Variants in FHIT observed in about 807,000 individuals in gnomAD.
The protein encoded by FHIT is bis(5'-adenosyl)-triphosphatase.
Under a neutral mutation model 17.9 loss-of-function variants are expected in FHIT, and 19 were observed. The ratio of observed to expected loss-of-function variants is 1.06; its 90% CI spans 0.74 to 1.56. The LOEUF (loss-of-function observed/expected upper bound fraction) is 1.56, where lower values mean the gene tolerates loss of function less well. FHIT is among the 40% of genes most tolerant of loss of function. FHIT has a pLI of 0.00. For synonymous variants in FHIT, 81 were observed against 69.7 expected (o/e 1.16, Z -0.81); for missense variants, 248 against 189.2 (o/e 1.31, Z -1.82).
At chr3:61,179,629 G>A (rs1016190879) in intron 2 of FHIT, among the ~76,000 whole-genome samples, 2 of 142,778 alleles carry the variant, frequency 1.4e-5, no homozygotes, top group African/African-American at 5.2e-5. Context: ...GATCACCTGA[G>A]CCCAGGAAGT....
rs142053409 is a variant in FHIT at position 60,311,206 on chromosome 3, T to A, written c.103+225654A>T. 5.5e-3 allele frequency among the ~76,000 whole-genome samples: 842 copies of A among 152,168 alleles called. 10 individuals carry two copies. Among genetic ancestry groups the A allele is most frequent in the African/African-American group, 0.019 (795 of 41,502 alleles). ...AACATTACTTTGTCTTTCTGTTTTCTTTTTTAACAGTACACCTCCATGCCC... is the reference window on the plus strand; with the variant it reads ...AACATTACTTTGTCTTTCTGTTTTCATTTTTAACAGTACACCTCCATGCCC... On this transcript the variant is annotated intron_variant, in intron 5 of 9. Transcript: ENST00000492590.
intron 8 of FHIT, among the ~76,000 whole-genome samples, chr3:59,791,900 C>G (rs1423660091): frequency 1.3e-5 from 2 of 152,096 alleles, no homozygotes; most frequent in East Asian, 3.9e-4. Flanking sequence ...TGGCCTTCAG[C>G]CAGTCAAGGA....
At chr3:60,298,017 T>C (rs929877176) in intron 5 of FHIT, among the ~76,000 whole-genome samples, 2 of 152,064 alleles carry the variant, frequency 1.3e-5, no homozygotes, top group Non-Finnish European at 2.9e-5. Flanking sequence ...GCTTTACTTA[T>C]GCAGATATAC....
At chr3:59,816,657 T>C (rs1290235218) in intron 8 of FHIT, among the ~76,000 whole-genome samples, 1 of 152,180 alleles carries the variant, frequency 6.6e-6, no homozygotes, top group Non-Finnish European at 1.5e-5. Context: ...AATCAAGTCC[T>C]ATCCTACCAG....
chr3:60,865,175 A>T (rs1205785736), intron 3 of FHIT, among the ~76,000 whole-genome samples: 1 of 152,132 alleles, frequency 6.6e-6, no homozygotes, highest in Admixed American at 6.6e-5. Context: ...AAAACTAAAA[A>T]ATTCTCCCAT....
chr3:61,109,372 C>A (rs940092539), intron 2 of FHIT, among the ~76,000 whole-genome samples: 4 of 152,138 alleles, frequency 2.6e-5, no homozygotes, highest in African/African-American at 9.7e-5. Context: ...GAGCCCCTGG[C>A]CTGTCCAATG....
chr3:60,614,071 C>A (rs149474916), intron 4 of FHIT, among the ~76,000 whole-genome samples: 4 of 152,058 alleles, frequency 2.6e-5, no homozygotes, highest in East Asian at 3.9e-4. Flanking sequence ...ACAAGGCAAG[C>A]AAAGTGGCAG....
At chr3:59,874,412 C>T (rs1703059632) in intron 8 of FHIT, among the ~76,000 whole-genome samples, 1 of 152,212 alleles carries the variant, frequency 6.6e-6, no homozygotes, top group Admixed American at 6.5e-5. Flanking sequence ...CCCTGGAGTG[C>T]TTGCTGAATT....
intron 2 of FHIT, among the ~76,000 whole-genome samples, chr3:61,053,527 G>A (rs906024092): frequency 2.0e-5 from 3 of 151,960 alleles, no homozygotes; most frequent in Non-Finnish European, 2.9e-5. Context: ...GTGTGGTGGC[G>A]CATGGCTGTA....
intron 1 of FHIT, among the ~76,000 whole-genome samples, chr3:61,249,965 C>G (rs1420748056): frequency 6.6e-6 from 1 of 150,794 alleles, no homozygotes; most frequent in Non-Finnish European, 1.5e-5. Context: ...CACACACACA[C>G]ACACACACAC....
In FHIT at chr3:61,083,793, A is replaced by G. The variant is rs140247698; in HGVS notation, c.-163-41694T>C. ...TTGTGACTGGCTTCTTTCACTTTGC[A>G]TGATGTTTTCAAGGTTCATCCATGT... On this transcript the variant is annotated intron_variant, in intron 2 of 9. Coordinates refer to ENST00000492590, the MANE Select transcript of FHIT (RefSeq NM_002012.4). 2.0e-5 allele frequency among the ~76,000 whole-genome samples: 3 copies of G among 152,158 alleles called. No individual in the cohort carries two copies. In the East Asian group the frequency reaches 5.8e-4, roughly 29 times the overall value.
intron 3 of FHIT, among the ~76,000 whole-genome samples, chr3:60,976,580 T>C (rs1197954731): frequency 2.6e-5 from 4 of 152,206 alleles, no homozygotes; most frequent in Non-Finnish European, 5.9e-5. Context: ...CATTATCTGT[T>C]TTGTTTTACC....
At chr3:60,546,105 T>C (rs181684092) in intron 4 of FHIT, among the ~76,000 whole-genome samples, 1 of 152,320 alleles carries the variant, frequency 6.6e-6, no homozygotes, top group African/African-American at 2.4e-5. Flanking sequence ...CTTGAATTTT[T>C]TTTTAATAAA....
chr3:60,053,038 G>A (rs1292190965), intron 5 of FHIT, among the ~76,000 whole-genome samples: 1 of 151,716 alleles, frequency 6.6e-6, no homozygotes. Context: ...TGTTCCCCAT[G>A]CTTCAGGCAT....
chr3:60,622,020 T>G (rs782687052), intron 4 of FHIT, among the ~76,000 whole-genome samples: 2 of 152,098 alleles, frequency 1.3e-5, no homozygotes, highest in African/African-American at 4.8e-5. Context: ...TGAGCTCTCT[T>G]AGCTACACAA....
intron 4 of FHIT, among the ~76,000 whole-genome samples, chr3:60,725,048 C>T (rs547538672): frequency 1.2e-4 from 19 of 152,212 alleles, no homozygotes; most frequent in African/African-American, 4.6e-4. Flanking sequence ...TGTTGAGCAT[C>T]TTTTCATGGG....
At chr3:60,877,162 C>T (rs1704704183) in intron 3 of FHIT, among the ~76,000 whole-genome samples, 1 of 152,204 alleles carries the variant, frequency 6.6e-6, no homozygotes, top group Admixed American at 6.5e-5. Context: ...CTGTAGCCCA[C>T]ATGGCAACTG....
intron 4 of FHIT, among the ~76,000 whole-genome samples, chr3:60,600,169 C>T (rs2038396563): frequency 6.6e-6 from 1 of 152,084 alleles, no homozygotes; most frequent in African/African-American, 2.4e-5. Flanking sequence ...TCCCAATATC[C>T]ACAGATCCAT....
Position 60,936,622 on chromosome 3 carries a change from A to G in FHIT, c.-111+105425T>C, listed in dbSNP as rs370888211. Reference sequence around the variant, plus strand: ...ATGTGACTATCTTTTGATTTTTTATAACATACATTATTGCCTATGTAGAAA... The same window carrying G: ...ATGTGACTATCTTTTGATTTTTTATGACATACATTATTGCCTATGTAGAAA... On this transcript the variant is annotated intron_variant, in intron 3 of 9. Coordinates refer to ENST00000492590, the MANE Select transcript of FHIT (RefSeq NM_002012.4). Among the ~76,000 whole-genome samples the G allele has an allele frequency of 4.1e-4, 62 of 152,314 alleles. No individual in the cohort carries two copies. In the East Asian group the frequency reaches 7.9e-3, roughly 19 times the overall value.
Sources: allele counts gnomAD v4.1 joint callset (sites outside exome capture counted in the v4.1 genomes callset), GRCh38; gene constraint gnomAD v4.1.1; transcripts MANE v1.5; gene names NCBI Gene and HGNC (gene_info 2026-07-23, HGNC 2026-07-21).